Variants in IFNGR2 observed in about 807,000 individuals in gnomAD.
IFNGR2 encodes the protein interferon gamma receptor 2, also known as IFN-gamma receptor 2.
In IFNGR2, 15 loss-of-function variants were observed where a neutral mutation model predicts 41.1. The ratio of observed to expected loss-of-function variants is 0.37; its 90% CI spans 0.24 to 0.56. The LOEUF is 0.56. Ranked by LOEUF, IFNGR2 falls within the 20% of genes least tolerant of loss-of-function variation. The pLI is 0.81. For synonymous variants in IFNGR2, 161 were observed against 171.6 expected, an observed-to-expected ratio of 0.94 and a Z score of 0.48; for missense variants, 362 against 415.7, an observed-to-expected ratio of 0.87 and a Z score of 1.12.
rs17882224 is a variant in IFNGR2 at position 33,405,625 on chromosome 21, A to G, written c.73+2009A>G. On this transcript the variant is annotated intron_variant, in intron 1 of 6. Transcript: ENST00000290219. ...AGGTTGAAAGATGTATTTAGAAACT[A>G]TAGTCTGACATTGCCACAACATCCA... Among the ~76,000 whole-genome samples the G allele has an allele frequency of 7.4e-3, 1,122 of 152,310 alleles. 15 individuals are homozygous for G. Among genetic ancestry groups the G allele is most frequent in the African/African-American group, 0.026 (1,081 of 41,558 alleles).
Position 33,403,635 on chromosome 21 carries a change from T to A in IFNGR2, c.73+19T>A, listed in dbSNP as rs1437626452. 1 of 1,292,844 alleles carries A rather than the reference T, an allele frequency of 7.7e-7. No individual in the cohort carries two copies. Among genetic ancestry groups the A allele is most frequent in the Non-Finnish European group, 9.8e-7 (1 of 1,022,798 alleles). The allele number at this position is 1,292,844 out of a possible 1,614,324, so 80.1% of individuals were successfully genotyped here. ...CCGCCAGGTGAGCCGGGCCTGGGCCTCCGCGGCGGGACGCGGGCGCAGCCG... is the reference window on the plus strand; with the variant it reads ...CCGCCAGGTGAGCCGGGCCTGGGCCACCGCGGCGGGACGCGGGCGCAGCCG... On this transcript the variant is annotated intron_variant, in intron 1 of 6. Coordinates refer to ENST00000290219, the MANE Select transcript of IFNGR2 (RefSeq NM_005534.4).
chr21:33,429,536 G>A (rs1468924968), intron 4 of IFNGR2, among the ~76,000 whole-genome samples: 18 of 152,260 alleles, frequency 1.2e-4, no homozygotes, highest in East Asian at 5.8e-4. Flanking sequence ...AGGAAAGTCC[G>A]CAGGTGTCCA....
intron 4 of IFNGR2, 119 bp from the exon 5 acceptor site, chr21:33,432,058 A>T (rs2083893207): frequency 2.0e-5 from 19 of 942,490 alleles, no homozygotes; most frequent in Non-Finnish European, 3.3e-5. Context: ...CCCACTAAAA[A>T]TGGCATCTTG....
At chr21:33,406,257 TC>T (rs2083676739) in intron 1 of IFNGR2, among the ~76,000 whole-genome samples, 1 of 151,718 alleles carries the variant, frequency 6.6e-6, no homozygotes, top group African/African-American at 2.4e-5. Flanking sequence ...GCGCCTGTAA[TC>T]CCAGCTACCT....
At chr21:33,431,063 A>G (rs2083881805) in intron 4 of IFNGR2, among the ~76,000 whole-genome samples, 1 of 152,204 alleles carries the variant, frequency 6.6e-6, no homozygotes, top group African/African-American at 2.4e-5. Context: ...AAGGCAGCAG[A>G]GGGATGCGCA....
chr21:33,428,333 C>G (rs1464416172), intron 4 of IFNGR2, among the ~76,000 whole-genome samples: 5 of 152,056 alleles, frequency 3.3e-5, no homozygotes, highest in South Asian at 2.1e-4. Context: ...GCAGTCCACC[C>G]ACTTCAGCCA....
intron 2 of IFNGR2, among the ~76,000 whole-genome samples, chr21:33,417,299 A>G (rs1231562199): frequency 1.3e-5 from 2 of 152,136 alleles, no homozygotes; most frequent in Non-Finnish European, 2.9e-5. Context: ...CATGTTGCCC[A>G]GGCTGGCCTC....
intron 4 of IFNGR2, among the ~76,000 whole-genome samples, chr21:33,428,692 G>A (rs2083860785): frequency 6.6e-6 from 1 of 152,232 alleles, no homozygotes; most frequent in Non-Finnish European, 1.5e-5. Context: ...GAGAGACTCT[G>A]CCTCTTCCAA....
chr21:33,425,703 AC>A (rs2083830645), intron 3 of IFNGR2, among the ~76,000 whole-genome samples: 2 of 152,192 alleles, frequency 1.3e-5, no homozygotes, highest in Non-Finnish European at 2.9e-5. Context: ...GCCTGACCTC[AC>A]TTCTGCCACT....
At chr21:33,421,739 T>A in intron 3 of IFNGR2, 54 bp downstream of exon 3, 2 of 1,380,496 alleles carry the variant, frequency 1.4e-6, no homozygotes, top group East Asian at 4.6e-5. Context: ...TTTCTTCACT[T>A]GCGGTATCGA....
In IFNGR2 at chr21:33,437,236, C is replaced by G. The variant is rs1287366811; in HGVS notation, c.*274C>G. 2.4e-6 allele frequency: 1 copy of G among 413,538 alleles called. No homozygotes were observed. The highest frequency in any genetic ancestry group is 2.0e-5 in the African/African-American group (1 of 49,330). The allele number at this position is 413,538 out of a possible 1,614,324, so 25.6% of individuals were successfully genotyped here. On this transcript the variant is annotated 3_prime_UTR_variant, in exon 7 of 7. Transcript: ENST00000290219. ...TAAACACTAAAAAGGCATGTAATTG[C>G]TTGTTAGCAAAATGGATATGACACA... is the stretch of plus-strand genomic sequence containing the variant.
chr21:33,424,623 C>T (rs1568958497), intron 3 of IFNGR2, among the ~76,000 whole-genome samples: 2 of 152,190 alleles, frequency 1.3e-5, no homozygotes, highest in Non-Finnish European at 2.9e-5. Flanking sequence ...TTAGCATCAC[C>T]CTCACCTGGG....
intron 1 of IFNGR2, among the ~76,000 whole-genome samples, chr21:33,406,941 G>A (rs946518468): frequency 2.0e-5 from 3 of 152,060 alleles, no homozygotes; most frequent in Admixed American, 6.6e-5. Context: ...GAACCACCCA[G>A]CCTGGCTCCG....
chr21:33,437,370 T>TC lies in IFNGR2; in HGVS notation c.*411dup, dbSNP rs1451101222. The TC allele has an allele frequency of 5.1e-6, 1 of 197,226 alleles. No individual in the cohort carries two copies. The highest frequency in any genetic ancestry group is 1.1e-5 in the Non-Finnish European group (1 of 94,502). 12.2% of individuals were successfully genotyped at this position (197,226 alleles called of 1,614,324 possible). ...CCCCTTGGGCAGGTCACACAACCTGTCCCAGCGAGGGACACCGAGTGGCCC... is the reference window on the plus strand; with the variant it reads ...CCCCTTGGGCAGGTCACACAACCTGTCCCCAGCGAGGGACACCGAGTGGCCC... On this transcript the variant is annotated 3_prime_UTR_variant, in exon 7 of 7. Transcript: ENST00000290219.
intron 3 of IFNGR2, among the ~76,000 whole-genome samples, chr21:33,423,583 T>C (rs1220689937): frequency 6.6e-6 from 1 of 151,610 alleles, no homozygotes; most frequent in Admixed American, 6.6e-5. Flanking sequence ...TTTGTATTTT[T>C]AGTAGAGACG....
intron 3 of IFNGR2, among the ~76,000 whole-genome samples, chr21:33,426,377 C>T (rs1400920234): frequency 6.6e-6 from 1 of 151,980 alleles, no homozygotes; most frequent in African/African-American, 2.4e-5. Context: ...TGCACCACTG[C>T]ACTCCAGCCT....
chr21:33,403,518 T>C lies in IFNGR2; in HGVS notation c.-26T>C. The C allele has an allele frequency of 8.1e-7, 1 of 1,235,612 alleles. No individual in the cohort carries two copies. The highest frequency in any genetic ancestry group is 1.0e-6 in the Non-Finnish European group (1 of 981,932). 76.5% of individuals were successfully genotyped at this position (1,235,612 alleles called of 1,614,324 possible). A position where few individuals can be genotyped will look rare whatever the true frequency, so the allele number is the denominator to read the frequency against. ...CCCGAGCGGGGCCCCGGCCGCGACC[T>C]GAGCCGCCGCCGAGCGCCCGGGGCC... is the stretch of plus-strand genomic sequence containing the variant. On this transcript the variant is annotated 5_prime_UTR_variant, in exon 1 of 7. Transcript: ENST00000290219.
Position 33,427,452 on chromosome 21 carries a change from C to CG in IFNGR2, c.561+426dup, listed in dbSNP as rs1439211788. 4.6e-5 allele frequency among the ~76,000 whole-genome samples: 7 copies of CG among 152,202 alleles called. No homozygotes were observed. In the East Asian group the frequency reaches 1.4e-3, roughly 29 times the overall value. On this transcript the variant is annotated intron_variant, in intron 4 of 6. Transcript: ENST00000290219. The stretch of plus-strand genomic sequence containing the variant: ...TTTGTGAAAAGGGCACATGCGAAAT[C>CG]GGGGGGAAACAGAGGGAGAAAGAGC...
chr21:33,413,179 G>A (rs1349153427), intron 1 of IFNGR2, among the ~76,000 whole-genome samples: 1 of 152,146 alleles, frequency 6.6e-6, no homozygotes, highest in African/African-American at 2.4e-5. Flanking sequence ...CCCCCCTCTG[G>A]AAGCATCCAG....
Sources: gnomAD v4.1 joint callset for allele counts (sites outside exome capture counted in the v4.1 genomes callset) on GRCh38, gnomAD v4.1.1 for gene constraint, MANE v1.5 for transcripts, NCBI Gene and HGNC (gene_info 2026-07-23, HGNC 2026-07-21) for gene names.